Variants in EIF2B3 observed in about 807,000 individuals in gnomAD.
The protein encoded by EIF2B3 is translation initiation factor eIF2B subunit gamma.
Under a neutral mutation model 54.1 loss-of-function variants are expected in EIF2B3, and 20 were observed. The observed-to-expected ratio is 0.37, with a 90% CI of 0.26 to 0.54. The LOEUF is 0.54. EIF2B3 is among the 20% of genes least tolerant of loss of function. EIF2B3 has a pLI of 0.86. For missense variants in EIF2B3, 448 were observed against 547.8 expected (o/e 0.82, Z 1.82); for synonymous variants, 153 against 188.1 (o/e 0.81, Z 1.52).
intron 8 of EIF2B3, 100 bp downstream of exon 8, chr1:44,879,718 G>A: frequency 1.5e-6 from 2 of 1,365,838 alleles, no homozygotes; most frequent in Non-Finnish European, 2.1e-6. Flanking sequence ...GAATGACAGG[G>A]ATTCTTAACA....
intron 11 of EIF2B3, among the ~76,000 whole-genome samples, chr1:44,853,606 C>CA (rs1228697614): frequency 2.6e-5 from 4 of 151,458 alleles, no homozygotes; most frequent in Admixed American, 2.0e-4. Flanking sequence ...GACCCTGTCT[C>CA]AAAAAAACAA....
At chr1:44,866,706 C>A (rs899805135) in intron 10 of EIF2B3, among the ~76,000 whole-genome samples, 4 of 152,130 alleles carry the variant, frequency 2.6e-5, no homozygotes, top group African/African-American at 9.7e-5. Flanking sequence ...AGGCACACAC[C>A]ACCACGCCCA....
At chr1:44,896,813 ATTCTG>A (rs1405149705) in intron 6 of EIF2B3, among the ~76,000 whole-genome samples, 7 of 152,246 alleles carry the variant, frequency 4.6e-5, no homozygotes, top group Admixed American at 3.9e-4. Context: ...AAGTCCTACA[ATTCTG>A]TTCTAAAACA....
chr1:44,880,759 G>T (rs948374286), intron 7 of EIF2B3, among the ~76,000 whole-genome samples: 4 of 152,048 alleles, frequency 2.6e-5, no homozygotes, highest in Admixed American at 6.6e-5. Context: ...TCAGGAGATC[G>T]ATACCATCCT....
intron 6 of EIF2B3, among the ~76,000 whole-genome samples, chr1:44,890,084 G>T (rs1655745191): frequency 6.6e-6 from 1 of 152,196 alleles, no homozygotes; most frequent in African/African-American, 2.4e-5. Flanking sequence ...CCACCTAGAA[G>T]TTATGGAAAT....
chr1:44,962,074 C>T (rs1440618801), intron 3 of EIF2B3, among the ~76,000 whole-genome samples: 1 of 152,084 alleles, frequency 6.6e-6, no homozygotes, highest in African/African-American at 2.4e-5. Context: ...CACCCATAAT[C>T]GCAGCTACTC....
At chr1:44,876,600 C>A (rs1200052055) in intron 8 of EIF2B3, among the ~76,000 whole-genome samples, 2 of 50,810 alleles carry the variant, frequency 3.9e-5, no homozygotes. Flanking sequence ...CCCGGCCAGC[C>A]GCCCCATCCG....
chr1:44,853,180 A>T (rs1654328500), intron 11 of EIF2B3, among the ~76,000 whole-genome samples: 2 of 152,156 alleles, frequency 1.3e-5, no homozygotes, highest in South Asian at 4.1e-4. Flanking sequence ...AGGAAAAAGA[A>T]CTATAGAAAG....
Position 44,934,077 on chromosome 1 carries a change from G to A in EIF2B3, c.455-7338C>T, listed in dbSNP as rs145827052. Among the ~76,000 whole-genome samples the A allele has an allele frequency of 8.6e-3, 1,294 of 149,726 alleles. 16 individuals are homozygous for A. The highest frequency in any genetic ancestry group is 0.03 in the African/African-American group (1,218 of 40,552). Reference sequence around the variant, plus strand: ...GTGGAGGTTGCGGTGAGCCAAGATCGTGCCATTGCACTCCAACCTGGGCAA... The same window carrying A: ...GTGGAGGTTGCGGTGAGCCAAGATCATGCCATTGCACTCCAACCTGGGCAA... On this transcript the variant is annotated intron_variant, in intron 4 of 11. Coordinates refer to ENST00000360403, the MANE Select transcript of EIF2B3 (RefSeq NM_020365.5).
chr1:44,947,081 C>T (rs1644110830), intron 3 of EIF2B3, among the ~76,000 whole-genome samples: 1 of 152,208 alleles, frequency 6.6e-6, no homozygotes, highest in South Asian at 2.1e-4. Context: ...TATGCCTCTT[C>T]TGCAGAGACC....
chr1:44,892,280 A>T (rs1016760051), intron 6 of EIF2B3, among the ~76,000 whole-genome samples: 11 of 152,150 alleles, frequency 7.2e-5, no homozygotes, highest in Admixed American at 6.5e-5. Flanking sequence ...TTTTGGATAC[A>T]GAAGGTAGAG....
intron 3 of EIF2B3, among the ~76,000 whole-genome samples, chr1:44,955,356 A>G (rs908312767): frequency 2.0e-5 from 3 of 152,164 alleles, no homozygotes; most frequent in Admixed American, 6.5e-5. Context: ...CCTTATACAA[A>G]AATTAAATCG....
rs533481062 is a variant in EIF2B3, at chr1:44,901,508, C to T, written c.567-4064G>A. Among the ~76,000 whole-genome samples the T allele has an allele frequency of 1.4e-3, 206 of 151,956 alleles. 5 individuals are homozygous for T. In the South Asian group the frequency reaches 0.041, roughly 30 times the overall value. On this transcript the variant is annotated intron_variant, in intron 5 of 11. Transcript: ENST00000360403. The stretch of plus-strand genomic sequence containing the variant: ...CCAAGCGATCCTCCTGCCTCAGACT[C>T]CCAAAGCGCTGGGATGACAGGCATG...
intron 6 of EIF2B3, among the ~76,000 whole-genome samples, chr1:44,891,850 ATCATT>A (rs1423181428): frequency 4.6e-5 from 7 of 152,144 alleles, no homozygotes; most frequent in Non-Finnish European, 7.4e-5. Context: ...AATAATACAG[ATCATT>A]TCAAGTTCTT....
chr1:44,979,637 C>T (rs909504225), intron 2 of EIF2B3, among the ~76,000 whole-genome samples: 3 of 150,948 alleles, frequency 2.0e-5, no homozygotes, highest in African/African-American at 7.3e-5. Context: ...CAGCCTTGGA[C>T]GACAGAGCAA....
intron 1 of EIF2B3, among the ~76,000 whole-genome samples, chr1:44,982,526 G>A (rs1048963312): frequency 6.6e-6 from 1 of 152,162 alleles, no homozygotes; most frequent in African/African-American, 2.4e-5. Context: ...CCAAACTCCT[G>A]ACCTCAGGTG....
rs967114725 is a variant in EIF2B3, at chr1:44,967,028, A to C, written c.294+11287T>G. 4.0e-5 allele frequency among the ~76,000 whole-genome samples: 6 copies of C among 151,418 alleles called. No individual in the cohort carries two copies. The South Asian group carries it at 6.3e-4, about 16-fold the overall frequency. On this transcript the variant is annotated intron_variant, in intron 3 of 11. Coordinates refer to ENST00000360403, the MANE Select transcript of EIF2B3 (RefSeq NM_020365.5). ...ATGGGGTTTCACCATGTTGGCCAGG[A>C]TGGTCTCGATCTCTTGACCTCGTGA...
At chr1:44,943,410 ATAT>A (rs1644061321) in intron 3 of EIF2B3, among the ~76,000 whole-genome samples, 2 of 149,804 alleles carry the variant, frequency 1.3e-5, no homozygotes, top group Admixed American at 6.7e-5. Flanking sequence ...ATCTATATCT[ATAT>A]CTATATCTAA....
chr1:44,878,501 G>A (rs1345945395), intron 8 of EIF2B3, among the ~76,000 whole-genome samples: 1 of 152,036 alleles, frequency 6.6e-6, no homozygotes, highest in Admixed American at 6.5e-5. Context: ...GACCTCAGGC[G>A]ATCCACCCGT....
Sources: allele counts gnomAD v4.1 joint callset (sites outside exome capture counted in the v4.1 genomes callset), GRCh38; gene constraint gnomAD v4.1.1; transcripts MANE v1.5; gene names NCBI Gene and HGNC (gene_info 2026-07-23, HGNC 2026-07-21).